The following RAB23 variants were observed in gnomAD, a reference collection of about 807,000 sequenced individuals.
RAB23 encodes the protein RAB23, member RAS oncogene family.
Under a neutral mutation model 30.0 loss-of-function variants are expected in RAB23, and 15 were observed. That is an observed-to-expected ratio of 0.50 (90% CI 0.33 to 0.77). The LOEUF (loss-of-function observed/expected upper bound fraction) is 0.77. RAB23 is among the 30% of genes least tolerant of loss of function. The pLI is 0.02. For missense variants in RAB23, 243 were observed against 275.4 expected, an observed-to-expected ratio of 0.88 and a Z score of 0.83; for synonymous variants, 93 against 94.0, an observed-to-expected ratio of 0.99 and a Z score of 0.06.
Position 57,210,430 on chromosome 6 carries a change from A to C in RAB23, c.-50T>G. On this transcript the variant is annotated 5_prime_UTR_variant, in exon 2 of 7. Coordinates refer to ENST00000468148, the MANE Select transcript of RAB23 (RefSeq NM_016277.5). ...ACCAACTCTAATTCTAGGAGATCAG[A>C]TCTTCCCTCTCAAATCTGTGGTTTA... The C allele has an allele frequency of 6.4e-7, 1 of 1,554,098 alleles. No homozygotes were observed. The highest frequency in any genetic ancestry group is 8.9e-7 in the Non-Finnish European group (1 of 1,126,364).
At chr6:57,200,693 A>G (rs533906334) in intron 3 of RAB23, among the ~76,000 whole-genome samples, 2 of 152,218 alleles carry the variant, frequency 1.3e-5, no homozygotes, top group Non-Finnish European at 2.9e-5. Context: ...CCAATTTAGG[A>G]AGCTGTTACG....
At position 57,222,015 on chromosome 6, in the gene RAB23, C is replaced by G. The variant is rs1766082047; in HGVS notation, c.-355G>C. 1 of 152,258 alleles carries G rather than the reference C, an allele frequency of 6.6e-6. No homozygotes were observed. Among genetic ancestry groups the G allele is most frequent in the South Asian group, 2.1e-4 (1 of 4,834 alleles). The allele number at this position is 152,258 out of a possible 1,614,324, so 9.4% of individuals were successfully genotyped here. A position where few individuals can be genotyped will look rare whatever the true frequency, so the allele number is the denominator to read the frequency against. On this transcript the variant is annotated 5_prime_UTR_variant, in exon 1 of 7. Transcript: ENST00000468148. Reference sequence around the variant, plus strand: ...CGCCGCTGCACCGCAGCGCGAGCCGCTACTCACCGTCCCCCACCGGCCGCG... The same window carrying G: ...CGCCGCTGCACCGCAGCGCGAGCCGGTACTCACCGTCCCCCACCGGCCGCG...
At position 57,196,707 on chromosome 6, in the gene RAB23, T is replaced by C. The variant is rs1765036164; in HGVS notation, c.242-101A>G. ...TCTCATGAAGAATGGGGGCAACTTT[T>C]ATCCATTCAAAACAACTTTTATGTA... On this transcript the variant is annotated intron_variant, in intron 3 of 6. Transcript: ENST00000468148. 3.4e-6 allele frequency: 5 copies of C among 1,465,586 alleles called. No homozygotes were observed. The Admixed American group carries it at 9.9e-5, about 29-fold the overall frequency. The allele number at this position is 1,465,586 out of a possible 1,614,324, so 90.8% of individuals were successfully genotyped here.
At chr6:57,193,305 A>C (rs908611692) in intron 6 of RAB23, among the ~76,000 whole-genome samples, 3 of 152,216 alleles carry the variant, frequency 2.0e-5, no homozygotes, top group Non-Finnish European at 4.4e-5. Flanking sequence ...CAGAATACAG[A>C]TATGAAGTCC....
intron 1 of RAB23, among the ~76,000 whole-genome samples, chr6:57,220,949 CTA>C (rs1010900061): frequency 2.0e-5 from 3 of 152,068 alleles, no homozygotes; most frequent in Non-Finnish European, 2.9e-5. Context: ...TTTTCAGAAA[CTA>C]TAGACTTAAA....
At chr6:57,219,212 G>A (rs1765961650) in intron 1 of RAB23, among the ~76,000 whole-genome samples, 1 of 152,158 alleles carries the variant, frequency 6.6e-6, no homozygotes, top group Non-Finnish European at 1.5e-5. Context: ...TTTGAAACCA[G>A]TATTTTTTAG....
intron 3 of RAB23, among the ~76,000 whole-genome samples, chr6:57,206,106 T>C (rs1455845719): frequency 6.6e-6 from 1 of 152,190 alleles, no homozygotes; most frequent in African/African-American, 2.4e-5. Context: ...GGTGCTCGGA[T>C]GCAGATTGGT....
chr6:57,188,525 A>G lies in RAB23; in HGVS notation c.*1936T>C, dbSNP rs1407015325. The stretch of plus-strand genomic sequence containing the variant: ...TATAACAAGTGATTTTTCTGCCAAT[A>G]AAGACAAAAGACTATTTGTTGCAAA... On this transcript the variant is annotated 3_prime_UTR_variant, in exon 7 of 7. Coordinates refer to ENST00000468148, the MANE Select transcript of RAB23 (RefSeq NM_016277.5). The G allele has an allele frequency of 6.6e-6, 1 of 152,166 alleles. No individual in the cohort carries two copies. Among genetic ancestry groups the G allele is most frequent in the Non-Finnish European group, 1.5e-5 (1 of 68,004 alleles). The allele number at this position is 152,166 out of a possible 1,614,324, so 9.4% of individuals were successfully genotyped here.
chr6:57,205,032 ATG>A lies in RAB23; in HGVS notation c.241+2594_241+2595del, dbSNP rs1266381428. Among the ~76,000 whole-genome samples, 4 of 151,484 alleles carry A rather than the reference ATG, an allele frequency of 2.6e-5. No homozygotes were observed. The East Asian group carries it at 7.8e-4, about 29-fold the overall frequency. On this transcript the variant is annotated intron_variant, in intron 3 of 6. Transcript: ENST00000468148. ...TACATAGATACATACATATATGTAT[ATG>A]TGTATATATACATCTGTTTATAAAT...
chr6:57,195,965 T>G (rs74825372), intron 4 of RAB23, among the ~76,000 whole-genome samples: 1,675 of 152,246 alleles, frequency 0.011, 29 homozygotes, highest in African/African-American at 0.039. Flanking sequence ...GCAAAAATAA[T>G]AATACAATAA....
At chr6:57,200,882 T>C (rs1423887111) in intron 3 of RAB23, among the ~76,000 whole-genome samples, 2 of 152,120 alleles carry the variant, frequency 1.3e-5, no homozygotes, top group African/African-American at 4.8e-5. Context: ...ATGAATTTCA[T>C]AGGGGCAGAG....
intron 1 of RAB23, among the ~76,000 whole-genome samples, chr6:57,217,359 T>A (rs1387858914): frequency 6.6e-6 from 1 of 152,236 alleles, no homozygotes; most frequent in Non-Finnish European, 1.5e-5. Context: ...TAGTCCAGGC[T>A]GGAGTGCAGT....
rs1052253357 is a variant in RAB23 at position 57,188,434 on chromosome 6, T to A, written c.*2027A>T. ...AACTATCCTCAGAGATTACTTTTTT[T>A]AAATATAGAAAGGTAACACGCTTTT... On this transcript the variant is annotated 3_prime_UTR_variant, in exon 7 of 7. Coordinates refer to ENST00000468148, the MANE Select transcript of RAB23 (RefSeq NM_016277.5). The A allele has an allele frequency of 2.6e-5, 4 of 152,184 alleles. No individual in the cohort carries two copies. Among genetic ancestry groups the A allele is most frequent in the East Asian group, 1.9e-4 (1 of 5,206 alleles). The allele number at this position is 152,184 out of a possible 1,614,324, so 9.4% of individuals were successfully genotyped here. A position where few individuals can be genotyped will look rare whatever the true frequency, so the allele number is the denominator to read the frequency against.
chr6:57,193,456 T>G (rs539890849), intron 6 of RAB23, among the ~76,000 whole-genome samples: 2 of 152,318 alleles, frequency 1.3e-5, no homozygotes, highest in East Asian at 3.9e-4. Flanking sequence ...CAGAGAATGC[T>G]AAAGTTTTGC....
rs1157415764 is a variant in RAB23, at chr6:57,188,070, A to T, written c.*2391T>A. 1 of 152,218 alleles carries T rather than the reference A, an allele frequency of 6.6e-6. No individual in the cohort carries two copies. Among genetic ancestry groups the T allele is most frequent in the African/African-American group, 2.4e-5 (1 of 41,468 alleles). The allele number at this position is 152,218 out of a possible 1,614,324, so 9.4% of individuals were successfully genotyped here. On this transcript the variant is annotated 3_prime_UTR_variant, in exon 7 of 7. Transcript: ENST00000468148. ...ATGTCTACGCAAAAGATTAGCCGTAATGTTAAAAAAGTAGATTAGAGCACA... is the reference window on the plus strand; with the variant it reads ...ATGTCTACGCAAAAGATTAGCCGTATTGTTAAAAAAGTAGATTAGAGCACA...
chr6:57,188,998 TAAA>T lies in RAB23; in HGVS notation c.*1460_*1462del, dbSNP rs1036725311. ...AAAATGACTTCATGACATTTTCCAA[TAAA>T]AGTTATTTTTACAGATTTTGCAATG... On this transcript the variant is annotated 3_prime_UTR_variant, in exon 7 of 7. Transcript: ENST00000468148. 7.2e-5 allele frequency: 11 copies of T among 152,062 alleles called. No homozygotes were observed. Among genetic ancestry groups the T allele is most frequent in the Non-Finnish European group, 1.5e-5 (1 of 68,006 alleles). The allele number at this position is 152,062 out of a possible 1,614,324, so 9.4% of individuals were successfully genotyped here. A position where few individuals can be genotyped will look rare whatever the true frequency, so the allele number is the denominator to read the frequency against.
Position 57,207,717 on chromosome 6 carries a change from A to T in RAB23, c.156-4T>A, listed in dbSNP as rs1405340439. On this transcript the variant is annotated splice_polypyrimidine_tract_variant and splice_region_variant and intron_variant, in intron 2 of 6. Transcript: ENST00000468148. ...TCTGACATCTTCATCATTAACTCTA[A>T]AACAAGAGATGAATTTATTTCATAT... 5 of 1,559,676 alleles carry T rather than the reference A, an allele frequency of 3.2e-6. No homozygotes were observed. Among genetic ancestry groups the T allele is most frequent in the African/African-American group, 2.7e-5 (2 of 73,744 alleles).
At position 57,221,914 on chromosome 6, in the gene RAB23, A is replaced by T. The variant is rs1364081534; in HGVS notation, c.-254T>A. 6.6e-6 allele frequency: 1 copy of T among 152,388 alleles called. No individual in the cohort carries two copies. Among genetic ancestry groups the T allele is most frequent in the African/African-American group, 2.4e-5 (1 of 41,424 alleles). 9.4% of individuals were successfully genotyped at this position (152,388 alleles called of 1,614,324 possible). On this transcript the variant is annotated 5_prime_UTR_variant, in exon 1 of 7. Transcript: ENST00000468148. ...TCCGGAGAGTAAGGCACAACCCGGGACCCCGGGGAGAAGCTGAGTCTTCCC... is the reference window on the plus strand; with the variant it reads ...TCCGGAGAGTAAGGCACAACCCGGGTCCCCGGGGAGAAGCTGAGTCTTCCC...
chr6:57,201,102 G>A (rs1447869104), intron 3 of RAB23, among the ~76,000 whole-genome samples: 1 of 103,774 alleles, frequency 9.6e-6, no homozygotes, highest in Non-Finnish European at 2.0e-5. Context: ...TTTTTTTTTT[G>A]AGATGGAGTC....
Sources: gnomAD v4.1 joint callset for allele counts (sites outside exome capture counted in the v4.1 genomes callset) on GRCh38, gnomAD v4.1.1 for gene constraint, MANE v1.5 for transcripts, NCBI Gene and HGNC (gene_info 2026-07-23, HGNC 2026-07-21) for gene names.